Variants in ST18 observed in about 807,000 individuals in gnomAD.
ST18 encodes the protein suppression of tumorigenicity 18 protein.
ST18 carries 50 observed loss-of-function variants against 110.0 expected under a neutral mutation model. The observed-to-expected ratio is 0.45, with a 90% confidence interval of 0.36 to 0.58. The LOEUF (loss-of-function observed/expected upper bound fraction) is 0.58. Ranked by LOEUF, ST18 falls within the 20% of genes least tolerant of loss-of-function variation. The probability of loss-of-function intolerance (pLI) is 0.00; values close to 1 mark genes in which losing one functional copy is unlikely to be tolerated. For synonymous variants in ST18, 461 were observed against 452.4 expected (o/e 1.02, Z -0.24); for missense variants, 1,306 against 1,280.1 (o/e 1.02, Z -0.31).
At chr8:52,352,124 G>A (rs1342236791) in intron 2 of ST18, among the ~76,000 whole-genome samples, 1 of 152,144 alleles carries the variant, frequency 6.6e-6, no homozygotes, top group Non-Finnish European at 1.5e-5. Context: ...ATGTTCCAAT[G>A]CCAAACAGAG....
intron 15 of ST18, among the ~76,000 whole-genome samples, chr8:52,153,876 G>C (rs2059388432): frequency 6.6e-6 from 1 of 152,218 alleles, no homozygotes; most frequent in Non-Finnish European, 1.5e-5. Context: ...AGAAATTCTA[G>C]AGGGATTAAA....
intron 2 of ST18, among the ~76,000 whole-genome samples, chr8:52,372,078 C>T (rs1024658974): frequency 1.3e-5 from 2 of 152,070 alleles, no homozygotes; most frequent in Admixed American, 1.3e-4. Flanking sequence ...GACAGCTCCT[C>T]GTATGTTGTT....
intron 2 of ST18, among the ~76,000 whole-genome samples, chr8:52,255,002 G>C (rs2094479249): frequency 6.6e-6 from 1 of 152,166 alleles, no homozygotes; most frequent in Non-Finnish European, 1.5e-5. Flanking sequence ...GCTTGCAGGG[G>C]CCCTGTCACT....
chr8:52,276,116 ACC>A (rs2095240291), intron 2 of ST18, among the ~76,000 whole-genome samples: 3 of 17,396 alleles, frequency 1.7e-4, no homozygotes, highest in Non-Finnish European at 2.7e-4. Context: ...CACACACCGC[ACC>A]TATCACATAC....
At chr8:52,364,120 T>C (rs1019029493) in intron 2 of ST18, among the ~76,000 whole-genome samples, 14 of 152,244 alleles carry the variant, frequency 9.2e-5, no homozygotes, top group Non-Finnish European at 1.9e-4. Context: ...TTCAGACAAT[T>C]TACCCTCTTC....
chr8:52,379,422 C>T lies in ST18; in HGVS notation c.-465+29906G>A, dbSNP rs773744336. Among the ~76,000 whole-genome samples, 17 of 152,028 alleles carry T rather than the reference C, an allele frequency of 1.1e-4. 1 individual carries two copies. The highest frequency in any genetic ancestry group is 3.9e-4 in the African/African-American group (16 of 41,406). ...CAATAAAATCTATTTCTAAGACTCG[C>T]ATCCAAGCTTATAGGTAACTATTTC... is the stretch of plus-strand genomic sequence containing the variant. On this transcript the variant is annotated intron_variant, in intron 2 of 25. Transcript: ENST00000689386.
chr8:52,165,880 A>C (rs974190496), intron 11 of ST18, among the ~76,000 whole-genome samples: 1 of 152,230 alleles, frequency 6.6e-6, no homozygotes, highest in African/African-American at 2.4e-5. Context: ...AGGTAGGTTC[A>C]CAAAGTGGAA....
At chr8:52,191,204 C>T (rs961419194) in intron 8 of ST18, among the ~76,000 whole-genome samples, 1 of 152,068 alleles carries the variant, frequency 6.6e-6, no homozygotes, top group Non-Finnish European at 1.5e-5. Flanking sequence ...GAAAAGATGC[C>T]GATGGAATTC....
chr8:52,163,437 A>AATCTT, intron 13 of ST18, among the ~76,000 whole-genome samples: 1 of 152,326 alleles, frequency 6.6e-6, no homozygotes, highest in Non-Finnish European at 1.5e-5. Flanking sequence ...TTAGATATAA[A>AATCTT]ATCTTCCAAA....
chr8:52,169,763 C>G (rs2064167670), intron 10 of ST18, among the ~76,000 whole-genome samples: 1 of 152,182 alleles, frequency 6.6e-6, no homozygotes, highest in Non-Finnish European at 1.5e-5. Context: ...GCCTGTGGCT[C>G]TTCTTCAATG....
At chr8:52,263,618 T>TG (rs567441587) in intron 2 of ST18, among the ~76,000 whole-genome samples, 8,530 of 151,598 alleles carry the variant, frequency 0.056, 803 homozygotes, top group African/African-American at 0.2. Context: ...TTGTTTTTTT[T>TG]TTTTTTAGTA....
chr8:52,287,902 C>T (rs745592628), intron 2 of ST18, among the ~76,000 whole-genome samples: 17 of 152,184 alleles, frequency 1.1e-4, no homozygotes, highest in Non-Finnish European at 1.8e-4. Context: ...AAACAAGAGA[C>T]CCAGGGACCA....
intron 17 of ST18, among the ~76,000 whole-genome samples, chr8:52,141,280 C>T (rs1289138611): frequency 6.6e-6 from 1 of 152,218 alleles, no homozygotes; most frequent in Non-Finnish European, 1.5e-5. Flanking sequence ...GTGCAAGGCC[C>T]TGTTCTTGGC....
chr8:52,312,291 G>A (rs561279269), intron 2 of ST18, among the ~76,000 whole-genome samples: 29 of 152,310 alleles, frequency 1.9e-4, no homozygotes, highest in African/African-American at 6.3e-4. Context: ...CTTCAGGGAA[G>A]CACTTGCCAT....
chr8:52,175,349 G>T (rs2066514703), intron 9 of ST18, among the ~76,000 whole-genome samples: 1 of 152,150 alleles, frequency 6.6e-6, no homozygotes, highest in Non-Finnish European at 1.5e-5. Flanking sequence ...GACCCCCAAG[G>T]ACGGGCAGGG....
intron 2 of ST18, among the ~76,000 whole-genome samples, chr8:52,299,755 C>T (rs2095688477): frequency 6.6e-6 from 1 of 152,192 alleles, no homozygotes; most frequent in African/African-American, 2.4e-5. Flanking sequence ...TTTTCAACCG[C>T]ATAAGTGGTA....
intron 2 of ST18, among the ~76,000 whole-genome samples, chr8:52,338,465 C>T (rs1428688734): frequency 1.3e-5 from 2 of 152,154 alleles, no homozygotes. Flanking sequence ...AGTCATCCCT[C>T]AGTATCCAAG....
intron 2 of ST18, among the ~76,000 whole-genome samples, chr8:52,284,173 G>A (rs2095431668): frequency 6.6e-6 from 1 of 152,206 alleles, no homozygotes; most frequent in South Asian, 2.1e-4. Flanking sequence ...GGCTGATTAT[G>A]GAATTCTGGG....
At chr8:52,314,508 T>C (rs1201036776) in intron 2 of ST18, among the ~76,000 whole-genome samples, 2 of 152,226 alleles carry the variant, frequency 1.3e-5, no homozygotes, top group East Asian at 3.8e-4. Flanking sequence ...TCTGCTTAAC[T>C]AGTGCTAACT....
Sources: allele counts gnomAD v4.1 joint callset (sites outside exome capture counted in the v4.1 genomes callset), GRCh38; gene constraint gnomAD v4.1.1; transcripts MANE v1.5; gene names NCBI Gene and HGNC (gene_info 2026-07-23, HGNC 2026-07-21).